FHIT: variants seen among roughly 807,000 people sequenced by gnomAD.
FHIT encodes the protein bis(5'-adenosyl)-triphosphatase.
Under a neutral mutation model 17.9 loss-of-function variants are expected in FHIT, and 19 were observed. The observed-to-expected ratio is 1.06, with a 90% CI of 0.74 to 1.56. FHIT has a LOEUF of 1.56. Among genes scored for constraint, FHIT ranks in the 40% most tolerant of loss-of-function variants. The pLI, the probability that FHIT is intolerant of heterozygous loss-of-function variation, is 0.00. For synonymous variants in FHIT, 81 were observed against 69.7 expected (o/e 1.16, Z -0.81); for missense variants, 248 against 189.2 (o/e 1.31, Z -1.82).
intron 5 of FHIT, among the ~76,000 whole-genome samples, chr3:60,360,648 G>C (rs1037402150): frequency 1.3e-5 from 2 of 152,178 alleles, no homozygotes; most frequent in Non-Finnish European, 2.9e-5. Context: ...TAATAGGCAT[G>C]CAAATTCTTT....
intron 8 of FHIT, among the ~76,000 whole-genome samples, chr3:59,806,115 A>C (rs1249686451): frequency 2.0e-5 from 3 of 151,226 alleles, no homozygotes; most frequent in Non-Finnish European, 4.4e-5. Flanking sequence ...CAGGAGGCGG[A>C]GCTTGCAGTG....
At chr3:60,263,227 G>C (rs1706392481) in intron 5 of FHIT, among the ~76,000 whole-genome samples, 1 of 151,930 alleles carries the variant, frequency 6.6e-6, no homozygotes, top group African/African-American at 2.4e-5. Flanking sequence ...CAGCAATTAA[G>C]AACTTCCAAA....
chr3:59,807,347 G>C (rs979817113), intron 8 of FHIT, among the ~76,000 whole-genome samples: 1 of 152,108 alleles, frequency 6.6e-6, no homozygotes, highest in Non-Finnish European at 1.5e-5. Flanking sequence ...CAGCTCAGTG[G>C]GTATTAGTAG....
intron 2 of FHIT, among the ~76,000 whole-genome samples, chr3:61,047,282 G>A (rs151120076): frequency 3.3e-5 from 5 of 152,172 alleles, no homozygotes; most frequent in Non-Finnish European, 5.9e-5. Context: ...CTTCAGCAAA[G>A]TCTCAGGATA....
intron 7 of FHIT, among the ~76,000 whole-genome samples, chr3:59,935,286 TGTA>T (rs1205361598): frequency 6.6e-6 from 1 of 152,186 alleles, no homozygotes; most frequent in Non-Finnish European, 1.5e-5. Flanking sequence ...CAGCTGTTGT[TGTA>T]GTCATGGAGT....
intron 4 of FHIT, among the ~76,000 whole-genome samples, chr3:60,731,986 C>T (rs999510600): frequency 1.1e-4 from 16 of 152,172 alleles, no homozygotes; most frequent in African/African-American, 3.9e-4. Context: ...AAACTTAACT[C>T]TGCAATCCAG....
At chr3:60,547,021 A>G (rs1489535485) in intron 4 of FHIT, among the ~76,000 whole-genome samples, 1 of 152,236 alleles carries the variant, frequency 6.6e-6, no homozygotes, top group African/African-American at 2.4e-5. Flanking sequence ...GGACAAAAGC[A>G]TTAAAAAGAT....
At chr3:60,212,637 T>G (rs1703508166) in intron 5 of FHIT, among the ~76,000 whole-genome samples, 1 of 151,982 alleles carries the variant, frequency 6.6e-6, no homozygotes, top group South Asian at 2.1e-4. Context: ...TCTAATGAAT[T>G]AGTAAGATAA....
At chr3:61,078,040 C>T (rs534785577) in intron 2 of FHIT, among the ~76,000 whole-genome samples, 4 of 152,082 alleles carry the variant, frequency 2.6e-5, no homozygotes, top group South Asian at 2.1e-4. Flanking sequence ...CTGGGGAGAG[C>T]GGTGGTTAGT....
At chr3:59,887,027 A>G (rs1703652998) in intron 8 of FHIT, among the ~76,000 whole-genome samples, 1 of 152,124 alleles carries the variant, frequency 6.6e-6, no homozygotes, top group Non-Finnish European at 1.5e-5. Context: ...GTCAGTAAAT[A>G]ACTTTGGCTG....
At chr3:60,583,380 G>A (rs1553660466) in intron 4 of FHIT, among the ~76,000 whole-genome samples, 1 of 151,942 alleles carries the variant, frequency 6.6e-6, no homozygotes, top group African/African-American at 2.4e-5. Flanking sequence ...TTTCTGTAAA[G>A]AGCTGGATAG....
chr3:60,345,540 A>G lies in FHIT; in HGVS notation c.103+191320T>C, dbSNP rs542929806. On this transcript the variant is annotated intron_variant, in intron 5 of 9. Transcript: ENST00000492590. ...TGGATAAATTATTAGATTTCAGAAAACCAATTGTAGACTAGAACGAGAACC... is the reference window on the plus strand; with the variant it reads ...TGGATAAATTATTAGATTTCAGAAAGCCAATTGTAGACTAGAACGAGAACC... Among the ~76,000 whole-genome samples the G allele has an allele frequency of 2.6e-5, 4 of 152,268 alleles. No individual in the cohort carries two copies. In the East Asian group the frequency reaches 7.7e-4, roughly 29 times the overall value.
chr3:60,732,189 C>G (rs1189557446), intron 4 of FHIT: 15 of 802,178 alleles, frequency 1.9e-5, no homozygotes, highest in Non-Finnish European at 2.8e-5. Flanking sequence ...TCTTGCTGGC[C>G]TTATCATTCC....
intron 5 of FHIT, among the ~76,000 whole-genome samples, chr3:60,098,583 T>C (rs1319440207): frequency 6.6e-6 from 1 of 152,164 alleles, no homozygotes; most frequent in East Asian, 1.9e-4. Context: ...TTCTTGTAAA[T>C]TTGTTTGAGT....
At chr3:59,986,133 T>G (rs1708890029) in intron 7 of FHIT, among the ~76,000 whole-genome samples, 1 of 151,980 alleles carries the variant, frequency 6.6e-6, no homozygotes, top group African/African-American at 2.4e-5. Context: ...GTTCACACTT[T>G]ATGGCTGCTC....
At chr3:59,821,125 A>C (rs1272744739) in intron 8 of FHIT, among the ~76,000 whole-genome samples, 1 of 152,148 alleles carries the variant, frequency 6.6e-6, no homozygotes, top group Non-Finnish European at 1.5e-5. Context: ...CATCTTGGAG[A>C]TGAGAGCAGG....
chr3:59,976,949 AG>A (rs1407249979), intron 7 of FHIT, among the ~76,000 whole-genome samples: 1 of 152,074 alleles, frequency 6.6e-6, no homozygotes, highest in African/African-American at 2.4e-5. Context: ...CTAATGGTGA[AG>A]GGCTTTTAAT....
intron 5 of FHIT, among the ~76,000 whole-genome samples, chr3:60,503,783 T>C (rs984633576): frequency 5.3e-5 from 8 of 152,208 alleles, no homozygotes; most frequent in African/African-American, 1.7e-4. Flanking sequence ...TCTAGTTTTA[T>C]CTAAAACTGT....
intron 3 of FHIT, among the ~76,000 whole-genome samples, chr3:61,040,967 C>T (rs1335911885): frequency 6.6e-6 from 1 of 152,178 alleles, no homozygotes; most frequent in Non-Finnish European, 1.5e-5. Context: ...CAGCCATTTT[C>T]CCTGCCTCCC....
Sources: allele counts gnomAD v4.1 joint callset (sites outside exome capture counted in the v4.1 genomes callset), GRCh38; gene constraint gnomAD v4.1.1; transcripts MANE v1.5; gene names NCBI Gene and HGNC (gene_info 2026-07-23, HGNC 2026-07-21).